Variants in SLC9B1 observed in about 807,000 individuals in gnomAD.
SLC9B1 encodes the protein sodium/hydrogen exchanger 9B1.
SLC9B1 carries 32 observed loss-of-function variants against 51.7 expected under a neutral mutation model. That is an observed-to-expected ratio of 0.62 (90% CI 0.47 to 0.83). The LOEUF (loss-of-function observed/expected upper bound fraction) is 0.83. Ranked by LOEUF, SLC9B1 falls within the 40% of genes least tolerant of loss-of-function variation. The pLI, the probability that SLC9B1 is intolerant of heterozygous loss-of-function variation, is 0.00. For synonymous variants in SLC9B1, 145 were observed against 212.7 expected (o/e 0.68, Z 2.77); for missense variants, 406 against 613.2 (o/e 0.66, Z 3.57).
chr4:102,912,509 T>C (rs1735386892), intron 7 of SLC9B1, among the ~76,000 whole-genome samples: 1 of 151,864 alleles, frequency 6.6e-6, no homozygotes, highest in Non-Finnish European at 1.5e-5. Context: ...ACAAAATGAG[T>C]CACAAAAATA....
chr4:102,946,180 G>A (rs750733795), intron 5 of SLC9B1, among the ~76,000 whole-genome samples: 2 of 152,156 alleles, frequency 1.3e-5, no homozygotes, highest in Non-Finnish European at 2.9e-5. Flanking sequence ...CAAATGATTA[G>A]ATCGCTAATA....
At chr4:102,920,152 G>A (rs1313348498) in intron 7 of SLC9B1, among the ~76,000 whole-genome samples, 1 of 152,332 alleles carries the variant, frequency 6.6e-6, no homozygotes, top group East Asian at 1.9e-4. Flanking sequence ...GCCAGTAGGG[G>A]CTGACAGACA....
downstream of SLC9B1, among the ~76,000 whole-genome samples, chr4:102,899,177 C>T (rs866422181): frequency 1.3e-5 from 2 of 150,826 alleles, no homozygotes; most frequent in East Asian, 3.9e-4. Flanking sequence ...ACATCTGCCA[C>T]ACCACCTTAA....
At chr4:102,939,587 C>T (rs531094700) in intron 6 of SLC9B1, among the ~76,000 whole-genome samples, 5 of 152,076 alleles carry the variant, frequency 3.3e-5, no homozygotes, top group South Asian at 2.1e-4. Context: ...GAAAACCTGG[C>T]AGAGACACAA....
At chr4:102,902,078 T>C (rs1367552017) in intron 11 of SLC9B1, among the ~76,000 whole-genome samples, 1 of 152,174 alleles carries the variant, frequency 6.6e-6, no homozygotes, top group Admixed American at 6.6e-5. Context: ...CTTTGAAGTT[T>C]TCGTTTTAGA....
intron 11 of SLC9B1, among the ~76,000 whole-genome samples, chr4:102,904,983 C>CAAA (rs58493959): frequency 6.9e-6 from 1 of 144,240 alleles, no homozygotes; most frequent in African/African-American, 2.5e-5. Context: ...GACTCTGTCT[C>CAAA]AAAAAAAAAA....
chr4:102,992,458 A>T (rs1739991628), intron 1 of SLC9B1, among the ~76,000 whole-genome samples: 1 of 152,130 alleles, frequency 6.6e-6, no homozygotes, highest in South Asian at 2.1e-4. Flanking sequence ...GTAGTGCTTC[A>T]AGTATCTATA....
intron 3 of SLC9B1, among the ~76,000 whole-genome samples, chr4:102,973,234 TC>T: frequency 6.6e-6 from 1 of 152,156 alleles, no homozygotes; most frequent in East Asian, 1.9e-4. Context: ...GACACAAAAT[TC>T]TGAAGGTATG....
intron 10 of SLC9B1, 164 bp downstream of exon 10, chr4:102,906,372 C>T (rs1246981145): frequency 2.4e-6 from 1 of 409,806 alleles, no homozygotes; most frequent in Admixed American, 4.0e-5. Context: ...AAAAAGAGCA[C>T]CCAGTGTAAA....
chr4:102,934,288 T>C (rs1441931889), intron 6 of SLC9B1, among the ~76,000 whole-genome samples: 11 of 152,154 alleles, frequency 7.2e-5, no homozygotes, highest in African/African-American at 2.7e-4. Context: ...AATAGTGACA[T>C]ATAAATAGAC....
chr4:102,890,807 TCC>T, intron 11 of SLC9B1: 1 of 111,584 alleles, frequency 9.0e-6, no homozygotes, highest in Admixed American at 1.1e-4. Context: ...GCCACTGCAC[TCC>T]AGCCTGGGCA....
chr4:102,899,589 T>C (rs2110419204), downstream of SLC9B1, among the ~76,000 whole-genome samples: 1 of 152,038 alleles, frequency 6.6e-6, no homozygotes, highest in Non-Finnish European at 1.5e-5. Context: ...AATTTTTGTA[T>C]TTTTAGTAGA....
intron 1 of SLC9B1, chr4:103,016,609 G>A (rs1741360831): frequency 7.3e-6 from 1 of 137,074 alleles, no homozygotes; most frequent in Non-Finnish European, 1.6e-5. Context: ...ATGTTTTGTA[G>A]TCTTGGCTTT....
intron 9 of SLC9B1, among the ~76,000 whole-genome samples, chr4:102,907,673 G>A (rs1258402171): frequency 4.5e-4 from 69 of 151,874 alleles, no homozygotes; most frequent in Non-Finnish European, 1.5e-5. Context: ...CTCAGTCTGG[G>A]TTTAACATTT....
chr4:102,951,104 C>T (rs1263899467), intron 3 of SLC9B1, among the ~76,000 whole-genome samples: 2 of 152,180 alleles, frequency 1.3e-5, no homozygotes, highest in African/African-American at 4.8e-5. Flanking sequence ...CTTAGCTGGT[C>T]TCTGGGTGGC....
intron 3 of SLC9B1, chr4:102,962,521 ACTGG>A (rs2110489759): frequency 2.1e-6 from 1 of 478,212 alleles, no homozygotes; most frequent in Admixed American, 2.3e-5. Context: ...TTCAGGAGGT[ACTGG>A]CCTTGGCAGT....
intron 5 of SLC9B1, among the ~76,000 whole-genome samples, chr4:102,946,278 CTTTTTTTCTTCTG>C (rs372419777): frequency 1.5e-4 from 23 of 152,154 alleles, no homozygotes; most frequent in African/African-American, 2.6e-4. Context: ...TCTATACAGT[CTTTTTTTCTTCTG>C]TTTTTTTCTT....
intron 7 of SLC9B1, among the ~76,000 whole-genome samples, chr4:102,924,189 G>A (rs1164314712): frequency 6.6e-6 from 1 of 152,130 alleles, no homozygotes; most frequent in Non-Finnish European, 1.5e-5. Context: ...AAACAGCATG[G>A]TACTGGTGCC....
intron 7 of SLC9B1, among the ~76,000 whole-genome samples, chr4:102,915,166 GACAA>G (rs972925437): frequency 8.6e-5 from 13 of 151,840 alleles, no homozygotes; most frequent in East Asian, 5.8e-4. Flanking sequence ...AAAAATGAAG[GACAA>G]ACAAAGAGTT....
Sources: gnomAD v4.1 joint callset for allele counts (sites outside exome capture counted in the v4.1 genomes callset) on GRCh38, gnomAD v4.1.1 for gene constraint, MANE v1.5 for transcripts, NCBI Gene and HGNC (gene_info 2026-07-23, HGNC 2026-07-21) for gene names.